The following TRIP12 variants were observed in gnomAD, a reference collection of about 807,000 sequenced individuals.
TRIP12 encodes thyroid hormone receptor interactor 12.
A neutral mutation model predicts 244.2 loss-of-function variants in TRIP12; 25 were observed. The ratio of observed to expected loss-of-function variants is 0.10; its 90% confidence interval spans 0.07 to 0.14. TRIP12 has a LOEUF of 0.14. Ranked by LOEUF, TRIP12 falls within the 10% of genes least tolerant of loss-of-function variation. The pLI is 1.00. For synonymous variants in TRIP12, 905 were observed against 873.1 expected, an observed-to-expected ratio of 1.04 and a Z score of -0.64; for missense variants, 1,677 against 2,486.4, an observed-to-expected ratio of 0.67 and a Z score of 6.92.
At chr2:229,840,663 C>A (rs1367959665) in intron 5 of TRIP12, among the ~76,000 whole-genome samples, 159 bp downstream of exon 5, 1 of 152,102 alleles carries the variant, frequency 6.6e-6, no homozygotes, top group Non-Finnish European at 1.5e-5. Context: ...GATCGCGCCA[C>A]TGCACTCCAG....
At chr2:229,847,850 T>C (rs2057889356) in intron 4 of TRIP12, among the ~76,000 whole-genome samples, 1 of 152,152 alleles carries the variant, frequency 6.6e-6, no homozygotes, top group Non-Finnish European at 1.5e-5. Flanking sequence ...CTTTATTCTT[T>C]AGGAAGTATA....
Position 229,791,843 on chromosome 2 carries a change from A to G in TRIP12, c.4415+23T>C, listed in dbSNP as rs889888168. 3.1e-6 allele frequency: 5 copies of G among 1,605,792 alleles called. No individual in the cohort carries two copies. The African/African-American group carries it at 5.4e-5, about 17-fold the overall frequency. ...CAGTTTCAAAGTTTATGAAAAAACA[A>G]AAGAAAGAATTTTCAGACTTGCCAT... On this transcript the variant is annotated intron_variant, in intron 29 of 41. Transcript: ENST00000675903.
chr2:229,858,077 T>C (rs1302896105), intron 4 of TRIP12, among the ~76,000 whole-genome samples: 3 of 152,126 alleles, frequency 2.0e-5, no homozygotes, highest in Non-Finnish European at 2.9e-5. Context: ...TAAAAAAATA[T>C]ATTTGGCCAG....
intron 34 of TRIP12, among the ~76,000 whole-genome samples, chr2:229,783,626 T>A (rs966656718): frequency 1.4e-4 from 22 of 152,024 alleles, no homozygotes; most frequent in African/African-American, 5.1e-4. Flanking sequence ...AATTAAAGAT[T>A]CAGATAAGTG....
chr2:229,864,004 AAGAGAG>A lies in TRIP12; in HGVS notation c.99-3479_99-3474del, dbSNP rs1163408528. Among the ~76,000 whole-genome samples the A allele has an allele frequency of 2.7e-4, 22 of 81,372 alleles. No individual in the cohort carries two copies. The East Asian group carries it at 3.6e-3, about 13-fold the overall frequency. The allele number at this position is 81,372 out of a possible 152,430, so 53.4% of individuals were successfully genotyped here. ...AATTATAGCCCAAAGATTTGGGTGA[AAGAGAG>A]AGAGAGAGAGAGAGAGAGAGAGAGA... On this transcript the variant is annotated intron_variant, in intron 2 of 41. Transcript: ENST00000675903.
chr2:229,836,808 A>G, intron 6 of TRIP12, 40 bp downstream of exon 6: 2 of 1,569,372 alleles, frequency 1.3e-6, no homozygotes, highest in Non-Finnish European at 1.7e-6. Flanking sequence ...AATCTGTAAA[A>G]GACAGAAACG....
chr2:229,901,314 T>C (rs1221728361), intron 1 of TRIP12, among the ~76,000 whole-genome samples: 1 of 151,910 alleles, frequency 6.6e-6, no homozygotes, highest in Non-Finnish European at 1.5e-5. Flanking sequence ...AAGGAAAACT[T>C]TGGCCAGGCG....
intron 2 of TRIP12, among the ~76,000 whole-genome samples, chr2:229,867,273 C>T (rs2061729047): frequency 6.6e-6 from 1 of 150,526 alleles, no homozygotes; most frequent in Non-Finnish European, 1.5e-5. Context: ...TCAAGAGATT[C>T]TCCTGCCTCA....
chr2:229,829,677 A>G (rs2052758305), intron 7 of TRIP12, among the ~76,000 whole-genome samples: 1 of 152,190 alleles, frequency 6.6e-6, no homozygotes, highest in Non-Finnish European at 1.5e-5. Context: ...GGCCAGGCAT[A>G]GTGGCTCACA....
intron 1 of TRIP12, among the ~76,000 whole-genome samples, chr2:229,881,010 G>C (rs2064753595): frequency 1.3e-5 from 2 of 152,106 alleles, no homozygotes; most frequent in East Asian, 3.9e-4. Flanking sequence ...GGAGAAAACA[G>C]CTCAAATAGA....
intron 8 of TRIP12, among the ~76,000 whole-genome samples, chr2:229,828,666 G>A (rs1230821701): frequency 6.6e-6 from 1 of 152,052 alleles, no homozygotes; most frequent in African/African-American, 2.4e-5. Flanking sequence ...AGCTACTCAG[G>A]AGGCTGAGGT....
intron 1 of TRIP12, among the ~76,000 whole-genome samples, chr2:229,884,538 G>T (rs1335509815): frequency 6.6e-6 from 1 of 151,942 alleles, no homozygotes; most frequent in Non-Finnish European, 1.5e-5. Context: ...CCTGTGCCTG[G>T]CCGGAAATTA....
chr2:229,823,615 G>A (rs1402917263), intron 8 of TRIP12, among the ~76,000 whole-genome samples: 4 of 151,796 alleles, frequency 2.6e-5, no homozygotes, highest in Admixed American at 2.0e-4. Flanking sequence ...GGCGGAGCTT[G>A]CAGTGAGCTG....
chr2:229,823,941 T>A (rs1206430398), intron 8 of TRIP12, among the ~76,000 whole-genome samples: 2 of 151,778 alleles, frequency 1.3e-5, no homozygotes, highest in African/African-American at 4.8e-5. Context: ...AAGGAAACAA[T>A]CCTTTAAAGA....
chr2:229,792,847 A>G (rs946036740), intron 27 of TRIP12, 126 bp downstream of exon 27: 25 of 988,242 alleles, frequency 2.5e-5, no homozygotes, highest in Admixed American at 8.9e-5. Context: ...AGACAGGAAT[A>G]TAAGTTCCTG....
intron 34 of TRIP12, among the ~76,000 whole-genome samples, chr2:229,781,965 G>C (rs1395056142): frequency 6.6e-6 from 1 of 152,132 alleles, no homozygotes; most frequent in African/African-American, 2.4e-5. Context: ...CTGCTCCTTA[G>C]AACAACCTGT....
chr2:229,832,875 G>T (rs1310810482), intron 6 of TRIP12, among the ~76,000 whole-genome samples: 1 of 152,140 alleles, frequency 6.6e-6, no homozygotes, highest in East Asian at 1.9e-4. Flanking sequence ...TAACTGAAAT[G>T]GCTCTTAAAC....
At position 229,870,449 on chromosome 2, in the gene TRIP12, A is replaced by G. The variant is rs146096771; in HGVS notation, c.98+9533T>C. Among the ~76,000 whole-genome samples the G allele has an allele frequency of 3.3e-5, 5 of 152,340 alleles. No individual in the cohort carries two copies. The East Asian group carries it at 9.6e-4, about 29-fold the overall frequency. ...ACAGAGAGGAGGCAGCCAGACAGAT[A>G]CTGAGTCTGTAGTTCCCGGGGATCT... is the stretch of plus-strand genomic sequence containing the variant. On this transcript the variant is annotated intron_variant, in intron 2 of 41. Transcript: ENST00000675903.
intron 8 of TRIP12, among the ~76,000 whole-genome samples, chr2:229,824,305 A>C (rs496982): frequency 0.19 from 28,398 of 152,178 alleles, 2,894 homozygotes; most frequent in East Asian, 0.28. Context: ...GTAAAAATTC[A>C]AAAGCTTGAT....
Sources: allele counts gnomAD v4.1 joint callset (sites outside exome capture counted in the v4.1 genomes callset), GRCh38; gene constraint gnomAD v4.1.1; transcripts MANE v1.5; gene names NCBI Gene and HGNC (gene_info 2026-07-23, HGNC 2026-07-21).